The following KCNT2 variants were observed in gnomAD, a reference collection of about 807,000 sequenced individuals.
KCNT2 encodes the protein potassium sodium-activated channel subfamily T member 2.
Under a neutral mutation model 153.8 loss-of-function variants are expected in KCNT2, and 67 were observed. The observed-to-expected ratio is 0.44, with a 90% CI of 0.36 to 0.53. KCNT2 has a LOEUF of 0.53. Ranked by LOEUF, KCNT2 falls within the 20% of genes least tolerant of loss-of-function variation. The pLI is 0.00. For missense variants in KCNT2, 975 were observed against 1,354.8 expected (o/e 0.72, Z 4.40); for synonymous variants, 500 against 458.8 (o/e 1.09, Z -1.15).
chr1:196,250,622 G>A lies in KCNT2; in HGVS notation c.3211+7572C>T, dbSNP rs79060320. ...ACAACCAATGCAAAAATTGACAAAT[G>A]GGATCACATCAAGTTAAAAAGCTTA... is the stretch of plus-strand genomic sequence containing the variant. On this transcript the variant is annotated intron_variant, in intron 26 of 27. Transcript: ENST00000294725. Among the ~76,000 whole-genome samples the A allele has an allele frequency of 1.3e-3, 198 of 152,140 alleles. 2 individuals are homozygous for A. In the East Asian group the frequency reaches 0.034, roughly 26 times the overall value.
At chr1:196,260,408 T>A (rs1167932552) in intron 25 of KCNT2, among the ~76,000 whole-genome samples, 1 of 151,852 alleles carries the variant, frequency 6.6e-6, no homozygotes. Context: ...AAAGTATACA[T>A]CTACAAGATG....
intron 1 of KCNT2, among the ~76,000 whole-genome samples, chr1:196,555,305 C>T (rs183660732): frequency 7.9e-5 from 12 of 151,220 alleles, no homozygotes; most frequent in African/African-American, 2.4e-4. Context: ...TCAGTAAAGT[C>T]GCAGGATACA....
intron 8 of KCNT2, 142 bp from the exon 9 acceptor site, chr1:196,429,899 A>G: frequency 1.7e-6 from 1 of 597,692 alleles, no homozygotes; most frequent in East Asian, 2.9e-5. Context: ...TTTTCTAGGA[A>G]AGATATAATT....
At chr1:196,527,797 A>G (rs948715140) in intron 1 of KCNT2, among the ~76,000 whole-genome samples, 2 of 152,218 alleles carry the variant, frequency 1.3e-5, no homozygotes, top group Non-Finnish European at 2.9e-5. Context: ...CATAATTCCT[A>G]TGAACGGAGG....
At chr1:196,242,417 C>G (rs1401760765) in intron 26 of KCNT2, among the ~76,000 whole-genome samples, 1 of 151,820 alleles carries the variant, frequency 6.6e-6, no homozygotes, top group Non-Finnish European at 1.5e-5. Flanking sequence ...TAATTGGACC[C>G]ATTGATTTAA....
Position 196,258,429 on chromosome 1 carries a change from G to C in KCNT2, c.2976C>G (p.His992Gln). ...DTKDSKEQGH[H>Q]RSNHRNSTSS... ...ATGTTGAGTTGCGGTGGTTGCTGCG[G>C]TGGTGCCCTTGTTCTTTGGAGTCTT... is the stretch of plus-strand genomic sequence containing the variant. Residue 992 changes from histidine to glutamine, a missense_variant, in exon 26 of 28, where the codon CAC (histidine) becomes CAG (glutamine). His to Gln is a conservative substitution (Grantham distance 24). Transcript: ENST00000294725. 1 of 1,613,968 alleles carries C rather than the reference G, an allele frequency of 6.2e-7. No individual in the cohort carries two copies. The highest frequency in any genetic ancestry group is 1.1e-5 in the South Asian group (1 of 91,084).
At chr1:196,346,471 A>T (rs1345139474) in intron 14 of KCNT2, among the ~76,000 whole-genome samples, 1 of 152,132 alleles carries the variant, frequency 6.6e-6, no homozygotes, top group African/African-American at 2.4e-5. Flanking sequence ...CCTGTATTAG[A>T]GGTACATATA....
intron 1 of KCNT2, among the ~76,000 whole-genome samples, chr1:196,527,851 G>C (rs1211731098): frequency 6.6e-6 from 1 of 152,162 alleles, no homozygotes; most frequent in African/African-American, 2.4e-5. Flanking sequence ...ATTGAACATA[G>C]GTCTGGTCTT....
chr1:196,555,738 A>C (rs1464991348), intron 1 of KCNT2, among the ~76,000 whole-genome samples: 1 of 151,354 alleles, frequency 6.6e-6, no homozygotes, highest in Non-Finnish European at 1.5e-5. Context: ...ACATGACCTG[A>C]TTCAAATTAT....
chr1:196,439,280 G>A (rs1197719826), intron 8 of KCNT2, among the ~76,000 whole-genome samples: 1 of 151,846 alleles, frequency 6.6e-6, no homozygotes, highest in East Asian at 1.9e-4. Context: ...TAAAATTCAG[G>A]TAAATACGTG....
intron 1 of KCNT2, among the ~76,000 whole-genome samples, chr1:196,602,985 A>G (rs956152660): frequency 6.6e-6 from 1 of 150,828 alleles, no homozygotes; most frequent in Non-Finnish European, 1.5e-5. Flanking sequence ...ACGGGGTTTC[A>G]CCTTGTTAGC....
At chr1:196,342,420 C>CTATATATATATATATATATATATGTA (rs1665734085) in intron 14 of KCNT2, among the ~76,000 whole-genome samples, 192 bp from the exon 15 acceptor site, 1 of 132,756 alleles carries the variant, frequency 7.5e-6, no homozygotes, top group Non-Finnish European at 1.6e-5. Flanking sequence ...ATTTTGAATA[C>CTATATATATATATATATATATATGTA]TATATATATA....
chr1:196,236,156 A>G (rs1018891293), intron 26 of KCNT2, 86 bp from the exon 27 acceptor site: 2 of 755,672 alleles, frequency 2.6e-6, no homozygotes, highest in Non-Finnish European at 2.3e-6. Flanking sequence ...TTCAAACCAT[A>G]TAACTGTCAA....
rs1242733794 is a variant in KCNT2, at chr1:196,596,181, T to G, written c.95+12034A>C. 2.6e-5 allele frequency among the ~76,000 whole-genome samples: 4 copies of G among 151,540 alleles called. No individual in the cohort carries two copies. The East Asian group carries it at 7.7e-4, about 29-fold the overall frequency. On this transcript the variant is annotated intron_variant, in intron 1 of 27. Transcript: ENST00000294725. Reference sequence around the variant, plus strand: ...TTTGCAATTACAAGTAATGCTGCTATAAATATGCATGTGCATGTGTCATTT... The same window carrying G: ...TTTGCAATTACAAGTAATGCTGCTAGAAATATGCATGTGCATGTGTCATTT...
At chr1:196,452,520 T>A (rs527873428) in intron 8 of KCNT2, among the ~76,000 whole-genome samples, 1 of 151,966 alleles carries the variant, frequency 6.6e-6, no homozygotes, top group Non-Finnish European at 1.5e-5. Context: ...ATCTTGTATA[T>A]GCACTCAGCT....
At chr1:196,573,892 ATAAGT>A (rs1486600057) in intron 1 of KCNT2, among the ~76,000 whole-genome samples, 1 of 152,002 alleles carries the variant, frequency 6.6e-6, no homozygotes, top group Admixed American at 6.6e-5. Context: ...AGGACTGCAA[ATAAGT>A]TAATAGCATT....
intron 11 of KCNT2, among the ~76,000 whole-genome samples, 179 bp from the exon 12 acceptor site, chr1:196,423,292 C>CA (rs1008684784): frequency 5.3e-5 from 8 of 150,352 alleles, no homozygotes; most frequent in Admixed American, 1.3e-4. Context: ...TGATTTTGAA[C>CA]AAAAAAAAAT....
intron 12 of KCNT2, among the ~76,000 whole-genome samples, chr1:196,415,993 A>T (rs932535511): frequency 2.0e-5 from 3 of 152,020 alleles, no homozygotes; most frequent in Non-Finnish European, 4.4e-5. Flanking sequence ...TAAAAGGAAA[A>T]TTCTAGAAAA....
At chr1:196,363,407 G>A (rs1667786335) in intron 14 of KCNT2, among the ~76,000 whole-genome samples, 1 of 152,002 alleles carries the variant, frequency 6.6e-6, no homozygotes, top group African/African-American at 2.4e-5. Context: ...AAGGAGCCCT[G>A]GATATTTATA....
Sources: gnomAD v4.1 joint callset for allele counts (sites outside exome capture counted in the v4.1 genomes callset) on GRCh38, gnomAD v4.1.1 for gene constraint, MANE v1.5 for transcripts, NCBI Gene and HGNC (gene_info 2026-07-23, HGNC 2026-07-21) for gene names.